The following BIRC6 variants were observed in gnomAD, a reference collection of about 807,000 sequenced individuals.
BIRC6 encodes the protein dual E2 ubiquitin-conjugating enzyme/E3 ubiquitin-protein ligase BIRC6.
BIRC6 carries 98 observed loss-of-function variants against 503.3 expected under a neutral mutation model. That is an observed-to-expected ratio of 0.19 (90% CI 0.17 to 0.23). The LOEUF is 0.23. Ranked by LOEUF, BIRC6 falls within the 10% of genes least tolerant of loss-of-function variation. The probability of loss-of-function intolerance (pLI) is 1.00; values close to 1 mark genes in which losing one functional copy is unlikely to be tolerated. For missense variants in BIRC6, 5,360 were observed against 5,806.0 expected (o/e 0.92, Z 2.50); for synonymous variants, 2,240 against 2,078.7 (o/e 1.08, Z -2.11).
intron 57 of BIRC6, among the ~76,000 whole-genome samples, chr2:32,523,972 A>G: frequency 6.6e-6 from 1 of 151,728 alleles, no homozygotes; most frequent in South Asian, 2.1e-4. Context: ...TGAGCCTGGG[A>G]TGTTGAGGCT....
intron 3 of BIRC6, among the ~76,000 whole-genome samples, chr2:32,381,930 G>A (rs1259720234): frequency 2.0e-5 from 3 of 151,230 alleles, no homozygotes; most frequent in Admixed American, 6.6e-5. Context: ...TAGTTGCATT[G>A]AATTTTTTTT....
At chr2:32,427,723 C>T (rs577719979) in intron 10 of BIRC6, among the ~76,000 whole-genome samples, 14 of 151,916 alleles carry the variant, frequency 9.2e-5, no homozygotes, top group Admixed American at 6.6e-4. Flanking sequence ...ATCTGAAGTC[C>T]GAGAAGACAT....
chr2:32,599,974 T>A (rs2061939998), intron 70 of BIRC6, 74 bp downstream of exon 70: 7 of 1,475,388 alleles, frequency 4.7e-6, no homozygotes, highest in Non-Finnish European at 6.4e-6. Flanking sequence ...TGAAGAAAAA[T>A]TTTGTTTTAG....
intron 22 of BIRC6, among the ~76,000 whole-genome samples, chr2:32,450,165 C>T (rs1331401214): frequency 6.6e-6 from 1 of 152,112 alleles, no homozygotes; most frequent in Non-Finnish European, 1.5e-5. Context: ...AAAGAAGACT[C>T]AGAACAAGGA....
chr2:32,579,012 TAATA>T (rs2060480102), intron 66 of BIRC6, among the ~76,000 whole-genome samples: 1 of 53,952 alleles, frequency 1.9e-5, no homozygotes, highest in Admixed American at 1.6e-4. Flanking sequence ...TATATATACC[TAATA>T]TATATATACC....
rs182700830 is a variant in BIRC6 at position 32,505,382 on chromosome 2, G to A, written c.9700+177G>A. The A allele has an allele frequency of 6.4e-4, 367 of 574,980 alleles. 1 individual carries two copies. The highest frequency in any genetic ancestry group is 5.8e-3 in the African/African-American group (312 of 53,706). 35.6% of individuals were successfully genotyped at this position (574,980 alleles called of 1,614,324 possible). On this transcript the variant is annotated intron_variant, in intron 50 of 73. Coordinates refer to ENST00000421745, the MANE Select transcript of BIRC6 (RefSeq NM_016252.4). The stretch of plus-strand genomic sequence containing the variant: ...CCAAGTCATTTTAGGAGAAATGACT[G>A]TTAACCTCAGACAAAAAGATTATGT...
chr2:32,441,528 A>G (rs2045433204), intron 17 of BIRC6, 66 bp downstream of exon 17: 11 of 1,381,564 alleles, frequency 8.0e-6, no homozygotes, highest in Non-Finnish European at 9.8e-6. Flanking sequence ...CACCACACAC[A>G]TACACACACA....
chr2:32,596,309 A>G (rs1244305526), intron 68 of BIRC6, among the ~76,000 whole-genome samples: 1 of 151,788 alleles, frequency 6.6e-6, no homozygotes, highest in Non-Finnish European at 1.5e-5. Flanking sequence ...GTGTAACTCC[A>G]TCTCTATTAA....
chr2:32,564,692 C>G (rs1338002887), intron 65 of BIRC6: 1 of 152,188 alleles, frequency 6.6e-6, no homozygotes, highest in African/African-American at 2.4e-5. Context: ...TGGGGGCTGG[C>G]TAGAAGAGGG....
At chr2:32,603,250 C>T (rs1244725195) in intron 71 of BIRC6, among the ~76,000 whole-genome samples, 167 bp downstream of exon 71, 2 of 152,120 alleles carry the variant, frequency 1.3e-5, no homozygotes, top group African/African-American at 4.8e-5. Flanking sequence ...AATGGAGTCT[C>T]ATCTTATGTG....
rs374819192 is a variant in BIRC6, at chr2:32,377,780, A to T, written c.507+11A>T. 105 of 1,603,808 alleles carry T rather than the reference A, an allele frequency of 6.5e-5. 2 individuals are homozygous for T. The African/African-American group carries it at 1.3e-3, about 19-fold the overall frequency. Reference sequence around the variant, plus strand: ...TTACCCGTTACAGAGGTAAGTTGAAATAAGTATCAATGTGGTCCTCTACTT... The same window carrying T: ...TTACCCGTTACAGAGGTAAGTTGAATTAAGTATCAATGTGGTCCTCTACTT... On this transcript the variant is annotated intron_variant, in intron 2 of 73. Coordinates refer to ENST00000421745, the MANE Select transcript of BIRC6 (RefSeq NM_016252.4).
chr2:32,598,122 C>G (rs1573285502), intron 69 of BIRC6, among the ~76,000 whole-genome samples, 154 bp downstream of exon 69: 1 of 124,050 alleles, frequency 8.1e-6, no homozygotes, highest in East Asian at 2.7e-4. Context: ...AAAGGAGCCT[C>G]CCCACCCCTC....
At chr2:32,394,914 G>A (rs2039690220) in intron 5 of BIRC6, among the ~76,000 whole-genome samples, 1 of 152,164 alleles carries the variant, frequency 6.6e-6, no homozygotes, top group South Asian at 2.1e-4. Flanking sequence ...ACTCTGGGAG[G>A]CTGAGAGGGG....
intron 72 of BIRC6, among the ~76,000 whole-genome samples, chr2:32,609,048 T>G (rs1339583609): frequency 6.8e-6 from 1 of 146,544 alleles, no homozygotes; most frequent in African/African-American, 2.7e-5. Context: ...ACTGGCTAAT[T>G]TTTTTTGTAT....
At chr2:32,534,394 GAC>G (rs1218572816) in intron 61 of BIRC6, among the ~76,000 whole-genome samples, 1 of 143,138 alleles carries the variant, frequency 7.0e-6, no homozygotes, top group Non-Finnish European at 1.5e-5. Context: ...AAAAAAAAGA[GAC>G]ACTGCAGATT....
intron 10 of BIRC6, among the ~76,000 whole-genome samples, chr2:32,427,416 CAG>C (rs994814193): frequency 4.0e-5 from 6 of 151,736 alleles, no homozygotes; most frequent in Non-Finnish European, 8.8e-5. Context: ...CTGAGTAGCT[CAG>C]GGGATTACAG....
chr2:32,395,845 G>A lies in BIRC6; in HGVS notation c.1034+252G>A, dbSNP rs114701239. On this transcript the variant is annotated intron_variant, in intron 6 of 73. Transcript: ENST00000421745. ...GTAGAACCACGCTCTAACGAAAACC[G>A]GAAAGCTATGGTAAAGTGAACTCCA... is the stretch of plus-strand genomic sequence containing the variant. Among the ~76,000 whole-genome samples, 1,121 of 152,232 alleles carry A rather than the reference G, an allele frequency of 7.4e-3. 8 individuals are homozygous for A. Among genetic ancestry groups the A allele is most frequent in the Middle Eastern group, 0.02 (6 of 294 alleles).
Position 32,467,905 on chromosome 2 carries a change from C to T in BIRC6, c.5574C>T (p.Ile1858=). ...ATATTTATAATTTTTCATTTCAGAT[C>T]ACTGTTATTGGACGTTACGGGAGTA... The part of the protein sequence containing the change: ...IPPPVCRFMK[I]TVIGRYGSTN... Residue 1858 remains isoleucine, a splice_region_variant and synonymous_variant, in exon 28 of 74, where the codon ATC becomes ATT. Coordinates refer to ENST00000421745, the MANE Select transcript of BIRC6 (RefSeq NM_016252.4). 6.2e-7 allele frequency: 1 copy of T among 1,610,116 alleles called. No homozygotes were observed. The highest frequency in any genetic ancestry group is 1.3e-5 in the African/African-American group (1 of 74,880).
chr2:32,531,587 A>T, intron 61 of BIRC6, 36 bp downstream of exon 61: 1 of 1,514,136 alleles, frequency 6.6e-7, no homozygotes, highest in Non-Finnish European at 9.0e-7. Context: ...ATATCATTCC[A>T]TAGCTAAGCC....
Sources: gnomAD v4.1 joint callset for allele counts (sites outside exome capture counted in the v4.1 genomes callset) on GRCh38, gnomAD v4.1.1 for gene constraint, MANE v1.5 for transcripts, NCBI Gene and HGNC (gene_info 2026-07-23, HGNC 2026-07-21) for gene names.